The following SLC35F4 variants were observed in gnomAD, a reference collection of about 807,000 sequenced individuals.
SLC35F4 encodes the protein solute carrier family 35 member F4.
SLC35F4 carries 24 observed loss-of-function variants against 44.2 expected under a neutral mutation model. That is an observed-to-expected ratio of 0.54 (90% CI 0.39 to 0.76). The LOEUF (loss-of-function observed/expected upper bound fraction) is 0.76. Among genes scored for constraint, SLC35F4 ranks in the 30% least tolerant of loss-of-function variants. The pLI, the probability that SLC35F4 is intolerant of heterozygous loss-of-function variation, is 0.00. For synonymous variants in SLC35F4, 238 were observed against 223.6 expected (o/e 1.06, Z -0.57); for missense variants, 562 against 586.1 (o/e 0.96, Z 0.42).
chr14:57,590,412 A>G (rs1341273150), intron 2 of SLC35F4, among the ~76,000 whole-genome samples: 1 of 150,934 alleles, frequency 6.6e-6, no homozygotes, highest in Non-Finnish European at 1.5e-5. Context: ...TGCAACAGAG[A>G]TGATTATTAA....
intron 1 of SLC35F4, among the ~76,000 whole-genome samples, chr14:57,702,947 T>C (rs2075579050): frequency 6.6e-6 from 1 of 152,164 alleles, no homozygotes. Context: ...GTTGTTGGGA[T>C]ACATTGTCTT....
At chr14:57,912,513 T>C (rs1343164922) in intron 1 of SLC35F4, among the ~76,000 whole-genome samples, 1 of 152,048 alleles carries the variant, frequency 6.6e-6, no homozygotes, top group Admixed American at 6.6e-5. Context: ...CTCTTGAGAT[T>C]TTGCCTTTGA....
chr14:57,887,529 T>C (rs1415377319), intron 1 of SLC35F4, among the ~76,000 whole-genome samples: 2 of 152,216 alleles, frequency 1.3e-5, no homozygotes, highest in Admixed American at 6.5e-5. Flanking sequence ...TGCCCTCTGA[T>C]GGAGCAACCT....
chr14:57,921,481 G>A (rs1320037675), intron 1 of SLC35F4, among the ~76,000 whole-genome samples: 3 of 152,196 alleles, frequency 2.0e-5, no homozygotes, highest in Admixed American at 2.0e-4. Context: ...AGTACCTAAG[G>A]TCCTTAGACC....
intron 1 of SLC35F4, among the ~76,000 whole-genome samples, chr14:57,854,819 A>G (rs532303545): frequency 1.8e-4 from 27 of 152,382 alleles, no homozygotes; most frequent in African/African-American, 6.3e-4. Flanking sequence ...ATCCAGGTAG[A>G]ACCGTCCCTT....
intron 1 of SLC35F4, among the ~76,000 whole-genome samples, chr14:57,742,760 C>A (rs1042782063): frequency 2.0e-5 from 3 of 152,190 alleles, no homozygotes; most frequent in Non-Finnish European, 4.4e-5. Flanking sequence ...CCCAAATCAA[C>A]AGAACATATA....
At chr14:57,839,910 A>T (rs1885330167) in intron 1 of SLC35F4, among the ~76,000 whole-genome samples, 1 of 152,108 alleles carries the variant, frequency 6.6e-6, no homozygotes, top group African/African-American at 2.4e-5. Context: ...CATGTCCAAA[A>T]CACGCCCCAG....
intron 7 of SLC35F4, among the ~76,000 whole-genome samples, chr14:57,564,996 C>A (rs1255439678): frequency 6.6e-6 from 1 of 152,180 alleles, no homozygotes; most frequent in African/African-American, 2.4e-5. Flanking sequence ...GAGTCACATT[C>A]TCTGTGTTCT....
intron 1 of SLC35F4, among the ~76,000 whole-genome samples, chr14:57,860,065 TC>T (rs1334775615): frequency 1.3e-5 from 2 of 151,996 alleles, no homozygotes; most frequent in Admixed American, 1.3e-4. Context: ...TTAAATGAGC[TC>T]ACTCAGGGAA....
intron 1 of SLC35F4, among the ~76,000 whole-genome samples, chr14:57,617,058 T>C (rs189160403): frequency 1.1e-4 from 16 of 151,996 alleles, no homozygotes; most frequent in African/African-American, 3.6e-4. Flanking sequence ...TGATGATTTA[T>C]AGATTAGACT....
At chr14:57,922,581 G>A (rs946783697) in intron 1 of SLC35F4, among the ~76,000 whole-genome samples, 1 of 152,198 alleles carries the variant, frequency 6.6e-6, no homozygotes, top group African/African-American at 2.4e-5. Context: ...TATAACTTTT[G>A]CACAGATTCA....
chr14:57,960,117 C>T (rs1453981644), intron 1 of SLC35F4, among the ~76,000 whole-genome samples: 4 of 152,110 alleles, frequency 2.6e-5, no homozygotes, highest in South Asian at 4.1e-4. Context: ...AGAATAGTTA[C>T]CTTCTAGGAT....
intron 1 of SLC35F4, among the ~76,000 whole-genome samples, chr14:57,697,009 C>A (rs542149801): frequency 6.6e-6 from 1 of 152,270 alleles, no homozygotes; most frequent in East Asian, 1.9e-4. Context: ...ATAGGTGCAG[C>A]AAACTACCAT....
chr14:57,693,355 C>T (rs902737234), intron 1 of SLC35F4, among the ~76,000 whole-genome samples: 5 of 152,198 alleles, frequency 3.3e-5, no homozygotes, highest in African/African-American at 7.2e-5. Context: ...CTCTACAGCA[C>T]TGTGACATGT....
intron 1 of SLC35F4, among the ~76,000 whole-genome samples, chr14:57,767,698 G>A (rs1332654224): frequency 6.6e-6 from 1 of 151,520 alleles, no homozygotes; most frequent in African/African-American, 2.4e-5. Flanking sequence ...ATTGAAAATA[G>A]GTAAATAATA....
intron 1 of SLC35F4, among the ~76,000 whole-genome samples, chr14:57,642,380 T>C (rs748127058): frequency 6.6e-6 from 1 of 152,072 alleles, no homozygotes. Flanking sequence ...ATTTTGCTTT[T>C]CCACAACATT....
intron 1 of SLC35F4, among the ~76,000 whole-genome samples, chr14:57,918,402 A>G (rs1340033620): frequency 5.9e-5 from 9 of 152,040 alleles, no homozygotes; most frequent in Admixed American, 4.6e-4. Flanking sequence ...TATCTTTCCA[A>G]TTTGGGAGGC....
At chr14:57,964,991 A>ATATATATATATATATATATATAT (rs1279192848) in intron 1 of SLC35F4, among the ~76,000 whole-genome samples, 6 of 115,694 alleles carry the variant, frequency 5.2e-5, no homozygotes, top group African/African-American at 2.2e-4. Flanking sequence ...AAAAAAAAAA[A>ATATATATATATATATATATATAT]ATATATATAT....
intron 1 of SLC35F4, chr14:57,630,236 T>C: frequency 1.8e-6 from 1 of 558,894 alleles, no homozygotes; most frequent in East Asian, 4.0e-5. Context: ...GCTATGATGA[T>C]GATGACAGAT....
Sources: allele counts gnomAD v4.1 joint callset (sites outside exome capture counted in the v4.1 genomes callset), GRCh38; gene constraint gnomAD v4.1.1; transcripts MANE v1.5; gene names NCBI Gene and HGNC (gene_info 2026-07-23, HGNC 2026-07-21).